MALT1: variants seen among roughly 807,000 people sequenced by gnomAD.
The protein encoded by MALT1 is mucosa-associated lymphoid tissue lymphoma translocation protein 1.
Under a neutral mutation model 85.5 loss-of-function variants are expected in MALT1, and 36 were observed. The ratio of observed to expected loss-of-function variants is 0.42; its 90% CI spans 0.32 to 0.56. MALT1 has a LOEUF of 0.56. Among genes scored for constraint, MALT1 ranks in the 20% least tolerant of loss-of-function variants. MALT1 has a pLI of 0.10. For synonymous variants in MALT1, 359 were observed against 361.3 expected (o/e 0.99, Z 0.07); for missense variants, 716 against 981.6 (o/e 0.73, Z 3.62).
At chr18:58,673,168 TGAGAG>T (rs1417868844) in intron 1 of MALT1, among the ~76,000 whole-genome samples, 6 of 148,252 alleles carry the variant, frequency 4.0e-5, no homozygotes, top group Admixed American at 2.6e-4. Flanking sequence ...AAATACTTGA[TGAGAG>T]GAAAGTCATT....
At chr18:58,727,585 C>T (rs1341993153) in intron 10 of MALT1, among the ~76,000 whole-genome samples, 2 of 150,904 alleles carry the variant, frequency 1.3e-5, no homozygotes, top group Non-Finnish European at 2.9e-5. Context: ...AGGCGTGAGC[C>T]ACTGCACCCA....
At chr18:58,724,572 C>T (rs949178177) in intron 10 of MALT1, among the ~76,000 whole-genome samples, 5 of 152,162 alleles carry the variant, frequency 3.3e-5, no homozygotes, top group South Asian at 2.1e-4. Context: ...TCTAAAACTT[C>T]GTGAGTGCCA....
At chr18:58,687,113 G>A (rs2054415649) in intron 2 of MALT1, among the ~76,000 whole-genome samples, 1 of 152,100 alleles carries the variant, frequency 6.6e-6, no homozygotes, top group African/African-American at 2.4e-5. Flanking sequence ...CTTAAAAAGT[G>A]CTCAAAGACT....
At chr18:58,698,067 G>GTTTTTTTT (rs796905674) in intron 3 of MALT1, among the ~76,000 whole-genome samples, 1 of 74,962 alleles carries the variant, frequency 1.3e-5, no homozygotes, top group Admixed American at 1.4e-4. Context: ...GTTTTGTTTT[G>GTTTTTTTT]TTTTTTTGTT....
At chr18:58,679,437 G>A (rs2054288090) in intron 1 of MALT1, among the ~76,000 whole-genome samples, 1 of 152,276 alleles carries the variant, frequency 6.6e-6, no homozygotes, top group African/African-American at 2.4e-5. Context: ...GAATGAATGA[G>A]TGTAGCTGTG....
intron 14 of MALT1, among the ~76,000 whole-genome samples, chr18:58,742,875 A>G (rs80347196): frequency 6.6e-4 from 100 of 152,338 alleles, no homozygotes; most frequent in Admixed American, 9.8e-4. Context: ...TGATCAGCAG[A>G]GAAGATGACG....
intron 2 of MALT1, chr18:58,691,378 T>G: frequency 1.4e-6 from 1 of 728,290 alleles, no homozygotes; most frequent in South Asian, 1.5e-5. Flanking sequence ...CAGGCCCAGC[T>G]CCTCTGTGGC....
intron 1 of MALT1, chr18:58,674,169 G>C (rs1462233907): frequency 6.6e-6 from 1 of 152,192 alleles, no homozygotes; most frequent in South Asian, 2.1e-4. Context: ...CCCTGCCAGG[G>C]AAGAAGCGTG....
At chr18:58,694,716 A>G (rs1407427051) in intron 2 of MALT1, among the ~76,000 whole-genome samples, 1 of 152,232 alleles carries the variant, frequency 6.6e-6, no homozygotes, top group Non-Finnish European at 1.5e-5. Context: ...TTCTGAGGCT[A>G]GTAGTCCAGA....
At chr18:58,719,519 G>A (rs1291716822) in intron 9 of MALT1, among the ~76,000 whole-genome samples, 1 of 152,152 alleles carries the variant, frequency 6.6e-6, no homozygotes, top group Non-Finnish European at 1.5e-5. Context: ...GATCTCCAAA[G>A]TGGAAACTGT....
At chr18:58,731,104 A>G (rs914789513) in intron 10 of MALT1, among the ~76,000 whole-genome samples, 3 of 151,934 alleles carry the variant, frequency 2.0e-5, no homozygotes, top group Non-Finnish European at 2.9e-5. Flanking sequence ...GGCTCCCACC[A>G]CCACACTTAG....
At chr18:58,705,322 G>GTCTGTGTA (rs1555685559) in intron 4 of MALT1, among the ~76,000 whole-genome samples, 16 of 148,258 alleles carry the variant, frequency 1.1e-4, no homozygotes, top group African/African-American at 3.5e-4. Context: ...GTGTGTGTGT[G>GTCTGTGTA]TATTTATTTT....
At chr18:58,746,430 T>C (rs896616583) in intron 16 of MALT1, among the ~76,000 whole-genome samples, 4 of 152,202 alleles carry the variant, frequency 2.6e-5, no homozygotes, top group African/African-American at 9.7e-5. Context: ...TCTAGTTGAC[T>C]TACAAATGAG....
chr18:58,707,692 A>T (rs937470423), intron 4 of MALT1, among the ~76,000 whole-genome samples: 2 of 152,200 alleles, frequency 1.3e-5, no homozygotes. Context: ...TGAGATTAAC[A>T]TATTACACAT....
At chr18:58,680,737 C>G (rs886680491) in intron 1 of MALT1, among the ~76,000 whole-genome samples, 1 of 151,948 alleles carries the variant, frequency 6.6e-6, no homozygotes, top group Non-Finnish European at 1.5e-5. Flanking sequence ...TCCTGGCTAA[C>G]AAGGTGAAAC....
intron 6 of MALT1, 29 bp from the exon 7 acceptor site, chr18:58,710,892 A>G (rs776771217): frequency 2.0e-6 from 3 of 1,503,752 alleles, no homozygotes; most frequent in Admixed American, 3.6e-5. Flanking sequence ...GAATTACAAT[A>G]TATTCAAATT....
In MALT1 at chr18:58,671,663, C is replaced by T; in HGVS notation, c.20C>T (p.Pro7Leu). The change falls in exon 1 of 17, where the codon CCG (proline) becomes CTG (leucine). Residue 7 changes from proline to leucine, a missense_variant. Transcript: ENST00000649217. MSLLGD[P>L]LQALPPSAAP... The stretch of plus-strand genomic sequence containing the variant: ...AGGGCCATGTCGCTGTTGGGGGACC[C>T]GCTACAGGCCCTGCCGCCCTCGGCC... The T allele has an allele frequency of 1.6e-6, 2 of 1,221,816 alleles. No homozygotes were observed. Among genetic ancestry groups the T allele is most frequent in the Non-Finnish European group, 2.0e-6 (2 of 981,516 alleles). 75.7% of individuals were successfully genotyped at this position (1,221,816 alleles called of 1,614,324 possible).
intron 4 of MALT1, among the ~76,000 whole-genome samples, chr18:58,705,243 A>T (rs922728170): frequency 2.6e-5 from 4 of 151,674 alleles, no homozygotes; most frequent in Admixed American, 1.3e-4. Flanking sequence ...ATTTGTTGTC[A>T]TATATTTTAC....
At chr18:58,727,112 C>T (rs919723359) in intron 10 of MALT1, among the ~76,000 whole-genome samples, 7 of 152,100 alleles carry the variant, frequency 4.6e-5, no homozygotes, top group Non-Finnish European at 8.8e-5. Flanking sequence ...AAATATTGTA[C>T]CTATTATTGT....
Sources: gnomAD v4.1 joint callset for allele counts (sites outside exome capture counted in the v4.1 genomes callset) on GRCh38, gnomAD v4.1.1 for gene constraint, MANE v1.5 for transcripts, NCBI Gene and HGNC (gene_info 2026-07-23, HGNC 2026-07-21) for gene names.